The following PCDHA5 variants were observed in gnomAD, a reference collection of about 807,000 sequenced individuals.
PCDHA5 encodes the protein protocadherin alpha-5.
In PCDHA5, 43 loss-of-function variants were observed where a neutral mutation model predicts 61.6. The ratio of observed to expected loss-of-function variants is 0.70; its 90% CI spans 0.55 to 0.90. The LOEUF (loss-of-function observed/expected upper bound fraction) is 0.90, where lower values mean the gene tolerates loss of function less well. PCDHA5 is among the 40% of genes least tolerant of loss of function. The probability of loss-of-function intolerance (pLI) is 0.00; values close to 1 mark genes in which losing one functional copy is unlikely to be tolerated. For missense variants in PCDHA5, 1,298 were observed against 1,222.7 expected (o/e 1.06, Z -0.92); for synonymous variants, 627 against 543.9 (o/e 1.15, Z -2.13).
intron 1 of PCDHA5, among the ~76,000 whole-genome samples, chr5:140,973,856 C>G (rs1349378315): frequency 6.6e-6 from 1 of 152,166 alleles, no homozygotes; most frequent in Non-Finnish European, 1.5e-5. Context: ...CCAATTTTTG[C>G]TCTCAATGAG....
At chr5:140,929,010 G>A in intron 1 of PCDHA5, 2 of 1,614,128 alleles carry the variant, frequency 1.2e-6, no homozygotes, top group Non-Finnish European at 1.7e-6. Flanking sequence ...TGTGTACCAA[G>A]TTGCACCAGA....
intron 1 of PCDHA5, among the ~76,000 whole-genome samples, chr5:140,880,028 G>A (rs577776398): frequency 1.2e-4 from 19 of 152,308 alleles, no homozygotes; most frequent in African/African-American, 4.6e-4. Flanking sequence ...AAATCCACAA[G>A]TTCCAGGGAT....
chr5:140,829,714 C>A (rs1316878813), intron 1 of PCDHA5: 14 of 1,613,308 alleles, frequency 8.7e-6, no homozygotes, highest in Admixed American at 1.7e-5. Flanking sequence ...GCGACGCGGG[C>A]GTGCCGCCTC....
intron 1 of PCDHA5, among the ~76,000 whole-genome samples, chr5:140,960,972 T>G (rs936519951): frequency 4.9e-4 from 75 of 152,306 alleles, no homozygotes; most frequent in Non-Finnish European, 2.2e-4. Flanking sequence ...GCAGTTGCAA[T>G]TCTTGTTCCA....
At chr5:140,847,344 C>T (rs1478232751) in intron 1 of PCDHA5, 1 of 149,742 alleles carries the variant, frequency 6.7e-6, no homozygotes, top group African/African-American at 2.4e-5. Context: ...ACCTCTTAGG[C>T]TGTTATCAGT....
intron 1 of PCDHA5, chr5:140,967,981 G>C: frequency 6.2e-7 from 1 of 1,614,202 alleles, no homozygotes; most frequent in Non-Finnish European, 8.5e-7. Flanking sequence ...TGGGTCTGGA[G>C]GCCACACTGC....
At chr5:140,902,442 T>G (rs1182491503) in intron 1 of PCDHA5, among the ~76,000 whole-genome samples, 1 of 152,166 alleles carries the variant, frequency 6.6e-6, no homozygotes, top group Non-Finnish European at 1.5e-5. Flanking sequence ...CCTTGTCATA[T>G]TCTAGATCCT....
At chr5:140,939,149 C>T (rs2092323339) in intron 1 of PCDHA5, among the ~76,000 whole-genome samples, 1 of 152,124 alleles carries the variant, frequency 6.6e-6, no homozygotes, top group South Asian at 2.1e-4. Flanking sequence ...GATCAAGGTC[C>T]TGGCAGATTT....
chr5:140,822,250 T>A lies in PCDHA5; in HGVS notation c.475T>A (p.Leu159Met). ...SRFPLEGASD[L>M]DIGANAQLRY... Reference sequence around the variant, plus strand: ...GTTTCCGCTAGAGGGCGCGTCGGATTTGGATATTGGAGCAAATGCACAATT... The same window carrying A: ...GTTTCCGCTAGAGGGCGCGTCGGATATGGATATTGGAGCAAATGCACAATT... The change falls in exon 1 of 4, where the codon TTG becomes ATG. Residue 159 changes from leucine to methionine, a missense_variant. Coordinates refer to ENST00000529859, the MANE Select transcript of PCDHA5 (RefSeq NM_018908.3). 6.2e-7 allele frequency: 1 copy of A among 1,614,222 alleles called. No homozygotes were observed. Among genetic ancestry groups the A allele is most frequent in the Non-Finnish European group, 8.5e-7 (1 of 1,180,042 alleles).
intron 1 of PCDHA5, among the ~76,000 whole-genome samples, chr5:140,917,330 A>AGGGGGGGGGGG (rs1425400137): frequency 9.7e-6 from 1 of 103,190 alleles, no homozygotes. Flanking sequence ...GTGGCGGGGG[A>AGGGGGGGGGGG]GGGGGGGGAT....
At chr5:140,898,445 G>GAA (rs1317860515) in intron 1 of PCDHA5, among the ~76,000 whole-genome samples, 7 of 152,126 alleles carry the variant, frequency 4.6e-5, no homozygotes, top group Admixed American at 3.3e-4. Flanking sequence ...ATTAAATAGG[G>GAA]AATCCTTTCC....
rs150390468 is a variant in PCDHA5 at position 140,876,777 on chromosome 5, G to A, written c.2352+52650G>A. The A allele has an allele frequency of 2.3e-3, 3,781 of 1,614,244 alleles. 8 individuals carry two copies. Among genetic ancestry groups the A allele is most frequent in the Non-Finnish European group, 3.0e-3 (3,507 of 1,180,036 alleles). On this transcript the variant is annotated intron_variant, in intron 1 of 3. Coordinates refer to ENST00000529859, the MANE Select transcript of PCDHA5 (RefSeq NM_018908.3). ...CGCGGGATGGGGGCTCGCCTTCGCT[G>A]TGGGCCACGGCTAGAGTGTCCGTGG...
At chr5:140,943,479 TAATA>T (rs1447671932) in intron 1 of PCDHA5, among the ~76,000 whole-genome samples, 1 of 151,960 alleles carries the variant, frequency 6.6e-6, no homozygotes, top group African/African-American at 2.4e-5. Context: ...TACAGTAAAA[TAATA>T]AATAGATGCT....
chr5:140,838,086 GTGT>G (rs1775518307), intron 1 of PCDHA5, among the ~76,000 whole-genome samples: 1 of 64,264 alleles, frequency 1.6e-5, no homozygotes, highest in Non-Finnish European at 3.1e-5. Context: ...TAGTGTGTGT[GTGT>G]GTGTGTGTGT....
At position 140,876,601 on chromosome 5, in the gene PCDHA5, C is replaced by A. The variant is rs143847585; in HGVS notation, c.2352+52474C>A. The A allele has an allele frequency of 2.5e-4, 409 of 1,614,152 alleles. No individual in the cohort carries two copies. The highest frequency in any genetic ancestry group is 3.3e-4 in the Non-Finnish European group (387 of 1,180,034). ...CATTGCCCTGATTAGCGTGTCGGAT[C>A]GTGACTCTGGAGCCAATGGACAGGT... On this transcript the variant is annotated intron_variant, in intron 1 of 3. Coordinates refer to ENST00000529859, the MANE Select transcript of PCDHA5 (RefSeq NM_018908.3).
intron 3 of PCDHA5, among the ~76,000 whole-genome samples, chr5:141,007,300 T>C (rs185284872): frequency 6.6e-6 from 1 of 151,058 alleles, no homozygotes; most frequent in Admixed American, 6.6e-5. Context: ...CCTGTAATCT[T>C]AGCATTTTGG....
intron 1 of PCDHA5, among the ~76,000 whole-genome samples, chr5:140,845,370 T>C (rs1032525596): frequency 6.7e-6 from 1 of 149,690 alleles, no homozygotes; most frequent in Non-Finnish European, 1.5e-5. Flanking sequence ...CAAAATATCA[T>C]AAATAGGAGG....
At chr5:140,850,110 G>T in intron 1 of PCDHA5, 1 of 1,596,146 alleles carries the variant, frequency 6.3e-7, no homozygotes, top group South Asian at 1.1e-5. Flanking sequence ...GAGCGCGCGC[G>T]ACGCGGGCGT....
At chr5:140,877,559 T>C in intron 1 of PCDHA5, 1 of 1,613,754 alleles carries the variant, frequency 6.2e-7, no homozygotes, top group South Asian at 1.1e-5. Context: ...CTGGTGGATA[T>C]TAACGTGTAC....
Sources: allele counts gnomAD v4.1 joint callset (sites outside exome capture counted in the v4.1 genomes callset), GRCh38; gene constraint gnomAD v4.1.1; transcripts MANE v1.5; gene names NCBI Gene and HGNC (gene_info 2026-07-23, HGNC 2026-07-21).